Variants in USP34 observed in about 807,000 individuals in gnomAD.
USP34 encodes ubiquitin specific peptidase 34.
A neutral mutation model predicts 460.3 loss-of-function variants in USP34; 70 were observed. The ratio of observed to expected loss-of-function variants is 0.15; its 90% CI spans 0.13 to 0.19. The LOEUF (loss-of-function observed/expected upper bound fraction) is 0.19. USP34 is among the 10% of genes least tolerant of loss of function. The probability of loss-of-function intolerance (pLI) is 1.00; values close to 1 mark genes in which losing one functional copy is unlikely to be tolerated. For missense variants in USP34, 3,985 were observed against 4,236.2 expected (o/e 0.94, Z 1.65); for synonymous variants, 1,647 against 1,405.3 (o/e 1.17, Z -3.85).
In USP34 at chr2:61,336,670, C is replaced by T. The variant is rs988463217; in HGVS notation, c.2744+2681G>A. Among the ~76,000 whole-genome samples the T allele has an allele frequency of 2.0e-5, 3 of 151,584 alleles. No individual in the cohort carries two copies. In the South Asian group the frequency reaches 6.2e-4, roughly 32 times the overall value. ...CCTAAAAATACAAAAGTTAGCTGGGCGTGGTGGTGCACACCTACATTCCCA... is the reference window on the plus strand; with the variant it reads ...CCTAAAAATACAAAAGTTAGCTGGGTGTGGTGGTGCACACCTACATTCCCA... On this transcript the variant is annotated intron_variant, in intron 18 of 79. Coordinates refer to ENST00000398571, the MANE Select transcript of USP34 (RefSeq NM_014709.4).
intron 5 of USP34, among the ~76,000 whole-genome samples, chr2:61,386,183 T>C (rs1156979422): frequency 6.6e-6 from 1 of 152,074 alleles, no homozygotes. Context: ...TGGCTCATTG[T>C]AGTGATGAGG....
chr2:61,399,874 C>CAAAAAAAAAAAAAAAAAAAA (rs529141667), intron 3 of USP34, among the ~76,000 whole-genome samples: 15 of 69,992 alleles, frequency 2.1e-4, no homozygotes, highest in African/African-American at 7.5e-4. Context: ...CACTGTCTCC[C>CAAAAAAAAAAAAAAAAAAAA]AAAAAAAAAA....
At chr2:61,311,933 C>T (rs922166881) in intron 25 of USP34, 23 bp from the exon 26 acceptor site, 5 of 1,607,340 alleles carry the variant, frequency 3.1e-6, no homozygotes, top group Non-Finnish European at 4.2e-6. Context: ...ACAAACAACA[C>T]ATAGAAAGGA....
intron 48 of USP34, among the ~76,000 whole-genome samples, chr2:61,254,439 T>C (rs1688666944): frequency 1.3e-5 from 2 of 152,242 alleles, no homozygotes; most frequent in Admixed American, 1.3e-4. Context: ...GTTACCAATC[T>C]TGTTTTCCAC....
chr2:61,236,569 T>C (rs1688074030), intron 53 of USP34, among the ~76,000 whole-genome samples, 180 bp from the exon 54 acceptor site: 1 of 152,200 alleles, frequency 6.6e-6, no homozygotes, highest in South Asian at 2.1e-4. Flanking sequence ...TACTAATATT[T>C]TGTAATTATT....
chr2:61,405,023 C>A (rs1693826048), intron 3 of USP34, among the ~76,000 whole-genome samples: 1 of 151,570 alleles, frequency 6.6e-6, no homozygotes. Flanking sequence ...GTCAGGAGAT[C>A]GAGACCATCC....
intron 8 of USP34, among the ~76,000 whole-genome samples, chr2:61,376,746 T>G (rs1225933967): frequency 6.6e-6 from 1 of 152,142 alleles, no homozygotes; most frequent in Non-Finnish European, 1.5e-5. Flanking sequence ...TCTCCGGGTT[T>G]AAGTGATTCT....
At chr2:61,393,592 A>T (rs917815338) in intron 5 of USP34, among the ~76,000 whole-genome samples, 3 of 152,180 alleles carry the variant, frequency 2.0e-5, no homozygotes, top group Admixed American at 6.5e-5. Context: ...TTTCCAATGT[A>T]CCGCATCACT....
intron 10 of USP34, among the ~76,000 whole-genome samples, chr2:61,369,420 G>C (rs933959698): frequency 6.6e-6 from 1 of 151,970 alleles, no homozygotes; most frequent in African/African-American, 2.4e-5. Context: ...CGAGGTGGGC[G>C]GATCATGAGG....
chr2:61,220,223 G>T, intron 67 of USP34, 87 bp downstream of exon 67: 1 of 1,083,256 alleles, frequency 9.2e-7, no homozygotes, highest in Non-Finnish European at 1.3e-6. Flanking sequence ...TACAACAATG[G>T]GCATGTCGTA....
chr2:61,277,748 C>G (rs1453798088), intron 41 of USP34: 8 of 156,922 alleles, frequency 5.1e-5, no homozygotes, highest in African/African-American at 1.9e-4. Flanking sequence ...CCACCCAAAT[C>G]TCATCTTGAA....
In USP34 at chr2:61,389,203, G is replaced by A. The variant is rs532110271; in HGVS notation, c.753+5650C>T. ...AAGGAGAAGAGATGGAATAGTTAGT[G>A]GCCTGAGGACTCATAAGGTAGGCTT... On this transcript the variant is annotated intron_variant, in intron 5 of 79. Coordinates refer to ENST00000398571, the MANE Select transcript of USP34 (RefSeq NM_014709.4). Among the ~76,000 whole-genome samples the A allele has an allele frequency of 1.2e-4, 19 of 152,232 alleles. No individual in the cohort carries two copies. In the South Asian group the frequency reaches 3.7e-3, roughly 30 times the overall value.
At chr2:61,351,521 A>C (rs1460440583) in intron 10 of USP34, among the ~76,000 whole-genome samples, 1 of 152,168 alleles carries the variant, frequency 6.6e-6, no homozygotes, top group African/African-American at 2.4e-5. Flanking sequence ...TAGGGTAATA[A>C]ACAGAAGATT....
At chr2:61,341,755 CTTTTTTTTTTTTT>C (rs896288474) in intron 16 of USP34, among the ~76,000 whole-genome samples, 5 of 91,730 alleles carry the variant, frequency 5.5e-5, no homozygotes, top group East Asian at 3.5e-4. Flanking sequence ...TCAGGTCTTT[CTTTTTTTTTTTTT>C]TTTTTTTTTT....
chr2:61,317,181 G>C (rs968630722), intron 23 of USP34, among the ~76,000 whole-genome samples: 2 of 152,126 alleles, frequency 1.3e-5, no homozygotes, highest in Non-Finnish European at 2.9e-5. Context: ...CACACCCAAT[G>C]TTATCTTTCA....
chr2:61,428,022 G>A (rs545640532), intron 1 of USP34, among the ~76,000 whole-genome samples: 4 of 151,872 alleles, frequency 2.6e-5, no homozygotes, highest in East Asian at 1.9e-4. Context: ...AAAACTAGCC[G>A]GGCATGGTGG....
At chr2:61,221,652 A>G in intron 65 of USP34, 46 bp from the exon 66 acceptor site, 1 of 1,560,836 alleles carries the variant, frequency 6.4e-7, no homozygotes, top group South Asian at 1.1e-5. Context: ...ATCTGAACCC[A>G]TCTCCTTCAG....
chr2:61,272,402 C>A (rs1689241517), intron 41 of USP34, among the ~76,000 whole-genome samples: 1 of 146,094 alleles, frequency 6.8e-6, no homozygotes, highest in Admixed American at 6.8e-5. Flanking sequence ...CAGAGGGAGA[C>A]CCCATCTCAA....
intron 1 of USP34, among the ~76,000 whole-genome samples, chr2:61,437,600 C>T (rs186783118): frequency 0.011 from 1,702 of 151,786 alleles, 21 homozygotes; most frequent in Non-Finnish European, 0.019. Flanking sequence ...GGTGAAACCC[C>T]GTCTCTAATA....
Sources: gnomAD v4.1 joint callset for allele counts (sites outside exome capture counted in the v4.1 genomes callset) on GRCh38, gnomAD v4.1.1 for gene constraint, MANE v1.5 for transcripts, NCBI Gene and HGNC (gene_info 2026-07-23, HGNC 2026-07-21) for gene names.